The following TECTB variants were observed in gnomAD, a reference collection of about 807,000 sequenced individuals.
The protein encoded by TECTB is beta-tectorin.
A neutral mutation model predicts 43.3 loss-of-function variants in TECTB; 45 were observed. The ratio of observed to expected loss-of-function variants is 1.04; its 90% CI spans 0.82 to 1.33. The LOEUF (loss-of-function observed/expected upper bound fraction) is 1.33, where lower values mean the gene tolerates loss of function less well. Among genes scored for constraint, TECTB ranks in the 40% most tolerant of loss-of-function variants. The pLI, the probability that TECTB is intolerant of heterozygous loss-of-function variation, is 0.00. For missense variants in TECTB, 399 were observed against 404.7 expected, an observed-to-expected ratio of 0.99 and a Z score of 0.12; for synonymous variants, 169 against 156.7, an observed-to-expected ratio of 1.08 and a Z score of -0.59.
Position 112,294,052 on chromosome 10 carries a change from T to C in TECTB, c.662T>C (p.Ile221Thr). ...ATGTATCCCTTGCAGTGGCAGCTGA[T>C]CAACAAGGGGTAGGTACACTATCTA... ...DFMYPLQWQL[I>T]NKGCPTDETV... The change falls in exon 7 of 11, where the codon ATC becomes ACC. Residue 221 changes from isoleucine to threonine, a missense_variant. Ile to Thr is a moderately conservative substitution (Grantham distance 89). Transcript: ENST00000646139. 6.2e-7 allele frequency: 1 copy of C among 1,614,054 alleles called. No homozygotes were observed. Among genetic ancestry groups the C allele is most frequent in the Non-Finnish European group, 8.5e-7 (1 of 1,179,948 alleles).
intron 5 of TECTB, among the ~76,000 whole-genome samples, chr10:112,288,012 C>G (rs1411557531): frequency 1.3e-5 from 2 of 152,008 alleles, no homozygotes. Context: ...GCATGGGCCA[C>G]CAGGGTGATG....
chr10:112,292,687 G>A (rs1485363342), intron 5 of TECTB, among the ~76,000 whole-genome samples: 1 of 152,020 alleles, frequency 6.6e-6, no homozygotes, highest in East Asian at 1.9e-4. Context: ...CAAGTGATCT[G>A]CCTGCCTCAG....
At chr10:112,299,708 T>C (rs778421142) in intron 9 of TECTB, 144 bp downstream of exon 9, 7 of 816,260 alleles carry the variant, frequency 8.6e-6, no homozygotes, top group Non-Finnish European at 1.4e-5. Flanking sequence ...TCCTGGAGTC[T>C]TCCAGCCAGG....
intron 5 of TECTB, among the ~76,000 whole-genome samples, chr10:112,288,785 A>G (rs753805689): frequency 2.6e-5 from 4 of 152,126 alleles, no homozygotes; most frequent in Admixed American, 6.5e-5. Flanking sequence ...CACCAGTTCT[A>G]CTCAGCAGGC....
At chr10:112,302,272 G>A (rs554587203) in intron 10 of TECTB, 139 bp downstream of exon 10, 22 of 984,664 alleles carry the variant, frequency 2.2e-5, no homozygotes, top group African/African-American at 6.6e-5. Flanking sequence ...CCTGAGTGGC[G>A]CAGAGGGGGC....
At chr10:112,291,044 T>A (rs1388956856) in intron 5 of TECTB, among the ~76,000 whole-genome samples, 2 of 152,202 alleles carry the variant, frequency 1.3e-5, no homozygotes, top group Non-Finnish European at 1.5e-5. Context: ...GATGTGCAAG[T>A]TTGTTACACT....
Position 112,303,459 on chromosome 10 carries a change from A to C in TECTB, c.*147A>C. On this transcript the variant is annotated 3_prime_UTR_variant, in exon 11 of 11. Transcript: ENST00000646139. ...ACTTTGCCAAATATGCACTCCAATA[A>C]TTTCTGTGAATTTGGTGATGCCTTT... 1 of 943,678 alleles carries C rather than the reference A, an allele frequency of 1.1e-6. No homozygotes were observed. The allele number at this position is 943,678 out of a possible 1,614,324, so 58.5% of individuals were successfully genotyped here.
At chr10:112,301,996 C>T in intron 9 of TECTB, 105 bp from the exon 10 acceptor site, 1 of 1,377,200 alleles carries the variant, frequency 7.3e-7, no homozygotes, top group Non-Finnish European at 1.0e-6. Flanking sequence ...CAAGTGTGAG[C>T]CGCAGCCCCC....
chr10:112,290,278 T>C (rs1436948432), intron 5 of TECTB, among the ~76,000 whole-genome samples: 1 of 152,184 alleles, frequency 6.6e-6, no homozygotes, highest in African/African-American at 2.4e-5. Context: ...TAGGGTTTGG[T>C]ACTATCTGCA....
At chr10:112,291,485 T>A (rs1293875645) in intron 5 of TECTB, among the ~76,000 whole-genome samples, 1 of 152,192 alleles carries the variant, frequency 6.6e-6, no homozygotes, top group Non-Finnish European at 1.5e-5. Flanking sequence ...AGCCATGGAA[T>A]CAACCCAAAT....
At chr10:112,303,185 G>C in intron 10 of TECTB, 78 bp from the exon 11 acceptor site, 3 of 1,555,226 alleles carry the variant, frequency 1.9e-6, no homozygotes, top group Non-Finnish European at 2.7e-6. Flanking sequence ...AGACCCCTGA[G>C]TTAACTCTTC....
chr10:112,288,584 G>A lies in TECTB; in HGVS notation c.483+2193G>A, dbSNP rs549709736. On this transcript the variant is annotated intron_variant, in intron 5 of 10. Transcript: ENST00000646139. ...TCAGTTCCCTATGCCTGACCCATGT[G>A]GTTGGTATTTTTTTCTCCTCCCTTC... 5.6e-4 allele frequency among the ~76,000 whole-genome samples: 85 copies of A among 152,192 alleles called. 1 individual carries two copies. In the South Asian group the frequency reaches 0.017, roughly 30 times the overall value.
At chr10:112,288,549 C>T (rs753302336) in intron 5 of TECTB, among the ~76,000 whole-genome samples, 5 of 152,258 alleles carry the variant, frequency 3.3e-5, no homozygotes, top group Non-Finnish European at 7.4e-5. Flanking sequence ...TTAATATTCC[C>T]GCCATGGGCT....
intron 9 of TECTB, among the ~76,000 whole-genome samples, chr10:112,300,202 G>T (rs1199766236): frequency 8.7e-6 from 1 of 114,316 alleles, no homozygotes. Context: ...AAGAAAGAAA[G>T]AGAGACAGAC....
At position 112,298,233 on chromosome 10, in the gene TECTB, T is replaced by A. The variant is rs776007937; in HGVS notation, c.834+2T>A. 1.9e-6 allele frequency: 3 copies of A among 1,612,368 alleles called. No individual in the cohort carries two copies. Among genetic ancestry groups the A allele is most frequent in the Non-Finnish European group, 2.5e-6 (3 of 1,179,208 alleles). ...AGTGAGAAACTCTCCTGCCCAGTGG[T>A]GAGCTGCCTCTCTCCAGAAGGACAA... On this transcript the variant is annotated splice_donor_variant, in intron 8 of 10. Coordinates refer to ENST00000646139, the MANE Select transcript of TECTB (RefSeq NM_058222.3). LOFTEE classifies it high-confidence loss of function.
Position 112,284,681 on chromosome 10 carries a change from G to T in TECTB, c.223G>T (p.Asp75Tyr). 1 of 1,611,618 alleles carries T rather than the reference G, an allele frequency of 6.2e-7. No individual in the cohort carries two copies. The highest frequency in any genetic ancestry group is 8.5e-7 in the Non-Finnish European group (1 of 1,178,844). ...AGGTTACTACCAATTTGTGATCCCA[G>T]ATTTATCACCTAAAAACAAGTCCTA... The part of the protein sequence containing the change: ...EGGYYQFVIP[D>Y]LSPKNKSYCG... The change falls in exon 3 of 11, where the codon GAT becomes TAT. Residue 75 changes from aspartate (D) to tyrosine (Y), a missense_variant. Transcript: ENST00000646139.
At chr10:112,284,828 T>C in intron 3 of TECTB, 103 bp downstream of exon 3, 2 of 1,117,500 alleles carry the variant, frequency 1.8e-6, no homozygotes, top group Non-Finnish European at 2.4e-6. Flanking sequence ...AATTTACCCA[T>C]TTCCTTTTAA....
At chr10:112,296,166 A>G (rs983536434) in intron 7 of TECTB, among the ~76,000 whole-genome samples, 6 of 149,694 alleles carry the variant, frequency 4.0e-5, no homozygotes, top group Admixed American at 6.7e-5. Flanking sequence ...GCCCCTTTGG[A>G]AAAAAAAAAC....
intron 10 of TECTB, 158 bp downstream of exon 10, chr10:112,302,291 G>C: frequency 1.3e-6 from 1 of 790,582 alleles, no homozygotes; most frequent in South Asian, 1.9e-5. Flanking sequence ...GCGAGATCAA[G>C]AGGTCTCCCT....
Sources: allele counts gnomAD v4.1 joint callset (sites outside exome capture counted in the v4.1 genomes callset), GRCh38; gene constraint gnomAD v4.1.1; transcripts MANE v1.5; gene names NCBI Gene and HGNC (gene_info 2026-07-23, HGNC 2026-07-21).